Variants in OTUB2 observed in about 807,000 individuals in gnomAD.
OTUB2 encodes the protein ubiquitin thioesterase OTUB2.
Under a neutral mutation model 25.1 loss-of-function variants are expected in OTUB2, and 21 were observed. The ratio of observed to expected loss-of-function variants is 0.84; its 90% CI spans 0.59 to 1.21. OTUB2 has a LOEUF of 1.21. Among genes scored for constraint, OTUB2 ranks in the 50% most tolerant of loss-of-function variants. The pLI, the probability that OTUB2 is intolerant of heterozygous loss-of-function variation, is 0.00. For missense variants in OTUB2, 283 were observed against 298.0 expected, an observed-to-expected ratio of 0.95 and a Z score of 0.37; for synonymous variants, 122 against 122.8, an observed-to-expected ratio of 0.99 and a Z score of 0.04.
chr14:94,041,263 G>C (rs1885156409), intron 3 of OTUB2, among the ~76,000 whole-genome samples: 2 of 152,126 alleles, frequency 1.3e-5, no homozygotes, highest in Admixed American at 6.5e-5. Context: ...CTGCAAAGGA[G>C]GGCTGAGGAA....
intron 5 of OTUB2, 150 bp from the exon 6 acceptor site, chr14:94,045,566 A>T: frequency 1.4e-6 from 1 of 705,648 alleles, no homozygotes; most frequent in Non-Finnish European, 2.4e-6. Context: ...GTGTGGCATG[A>T]GAACGTCCAT....
chr14:94,035,096 T>A (rs965347570), intron 1 of OTUB2, among the ~76,000 whole-genome samples: 2 of 152,104 alleles, frequency 1.3e-5, no homozygotes, highest in Admixed American at 1.3e-4. Flanking sequence ...GCCCACGCTA[T>A]GATGTCAGGG....
intron 3 of OTUB2, among the ~76,000 whole-genome samples, chr14:94,043,384 G>T (rs1365849054): frequency 6.6e-6 from 1 of 152,192 alleles, no homozygotes; most frequent in African/African-American, 2.4e-5. Flanking sequence ...AAACTTGGGA[G>T]TGTCCTGGAG....
intron 3 of OTUB2, among the ~76,000 whole-genome samples, chr14:94,041,607 G>A (rs924175027): frequency 1.3e-5 from 2 of 152,044 alleles, no homozygotes; most frequent in Middle Eastern, 3.4e-3. Context: ...CTTGAAATAT[G>A]CCCCTGACCT....
At chr14:94,038,928 G>C in intron 2 of OTUB2, 35 bp from the exon 3 acceptor site, 2 of 1,593,616 alleles carry the variant, frequency 1.3e-6, no homozygotes, top group East Asian at 4.5e-5. Context: ...GCCGTTGTTG[G>C]TGCAAATGCC....
chr14:94,038,698 G>A (rs765268219), intron 2 of OTUB2, among the ~76,000 whole-genome samples: 2 of 152,188 alleles, frequency 1.3e-5, no homozygotes, highest in Non-Finnish European at 2.9e-5. Context: ...AGGCACTCCT[G>A]TCCCCTCACA....
intron 2 of OTUB2, 80 bp from the exon 3 acceptor site, chr14:94,038,883 G>A: frequency 1.6e-6 from 2 of 1,224,376 alleles, no homozygotes; most frequent in Non-Finnish European, 1.2e-6. Flanking sequence ...GAGATGGGGG[G>A]CACCTGGCCA....
At chr14:94,032,135 G>A (rs1412180619) in intron 1 of OTUB2, among the ~76,000 whole-genome samples, 1 of 152,144 alleles carries the variant, frequency 6.6e-6, no homozygotes, top group African/African-American at 2.4e-5. Flanking sequence ...TCATTCTGGA[G>A]GTGCCAGGTG....
chr14:94,030,283 G>A (rs900340634), intron 1 of OTUB2, among the ~76,000 whole-genome samples: 18 of 151,864 alleles, frequency 1.2e-4, no homozygotes, highest in African/African-American at 4.1e-4. Context: ...AGAGAGGAGT[G>A]GAGAAGCACT....
chr14:94,032,261 A>G (rs1056417650), intron 1 of OTUB2, among the ~76,000 whole-genome samples: 1 of 152,222 alleles, frequency 6.6e-6, no homozygotes, highest in Admixed American at 6.5e-5. Context: ...AGATGGAGGT[A>G]GCCCACCTGC....
Position 94,045,910 on chromosome 14 carries a change from C to G in OTUB2, c.693C>G (p.Ala231=). The G allele has an allele frequency of 6.2e-7, 1 of 1,614,084 alleles. No homozygotes were observed. The highest frequency in any genetic ancestry group is 8.5e-7 in the Non-Finnish European group (1 of 1,179,958). ...CCCACTACAACATCCTTTATGCAGCCGATAAACATTGATTAATTTTAGGCC... is the reference window on the plus strand; with the variant it reads ...CCCACTACAACATCCTTTATGCAGCGGATAAACATTGATTAATTTTAGGCC... ...KTSHYNILYA[A]DKH Residue 231 remains alanine (A), a synonymous_variant, in exon 6 of 6, where the codon GCC becomes GCG. Transcript: ENST00000203664.
chr14:94,046,228 G>A lies in OTUB2; in HGVS notation c.*306G>A. On this transcript the variant is annotated 3_prime_UTR_variant, in exon 6 of 6. Coordinates refer to ENST00000203664, the MANE Select transcript of OTUB2 (RefSeq NM_023112.4). ...GGACTTGTTTCTTCAACTGGAGGAG[G>A]TCCCTGCCTATGCTGACATTCCATT... is the stretch of plus-strand genomic sequence containing the variant. The A allele has an allele frequency of 2.1e-6, 1 of 483,616 alleles. No homozygotes were observed. The highest frequency in any genetic ancestry group is 3.7e-6 in the Non-Finnish European group (1 of 266,914). 30.0% of individuals were successfully genotyped at this position (483,616 alleles called of 1,614,324 possible).
At chr14:94,038,880 G>A (rs1314018544) in intron 2 of OTUB2, 83 bp from the exon 3 acceptor site, 12 of 1,191,172 alleles carry the variant, frequency 1.0e-5, no homozygotes, top group African/African-American at 3.0e-5. Context: ...GGAGAGATGG[G>A]GGGCACCTGG....
At position 94,044,574 on chromosome 14, in the gene OTUB2, G is replaced by A. The variant is rs967523169; in HGVS notation, c.304-12G>A. 7.5e-6 allele frequency: 12 copies of A among 1,598,890 alleles called. No homozygotes were observed. Among genetic ancestry groups the A allele is most frequent in the Admixed American group, 6.7e-5 (4 of 59,474 alleles). On this transcript the variant is annotated splice_polypyrimidine_tract_variant and intron_variant, in intron 4 of 5. Transcript: ENST00000203664. ...TGCTTGGCCTCCCTAGCTGAGGGCC[G>A]GGCGGGCGCAGTTTTACAGTGTGGT...
chr14:94,044,146 T>C, intron 4 of OTUB2, 91 bp downstream of exon 4: 1 of 1,304,882 alleles, frequency 7.7e-7, no homozygotes, highest in Non-Finnish European at 1.1e-6. Flanking sequence ...GCTCTGCTCC[T>C]CCTGGCTGGG....
At chr14:94,037,910 C>T (rs886562919) in intron 2 of OTUB2, among the ~76,000 whole-genome samples, 6 of 152,212 alleles carry the variant, frequency 3.9e-5, no homozygotes, top group South Asian at 2.1e-4. Context: ...GGAAAGTTTA[C>T]GCCAGTGAGG....
At chr14:94,032,369 G>T (rs546423063) in intron 1 of OTUB2, among the ~76,000 whole-genome samples, 12 of 152,138 alleles carry the variant, frequency 7.9e-5, no homozygotes, top group Non-Finnish European at 1.8e-4. Flanking sequence ...AACTTAAAAT[G>T]CATGCATACT....
intron 3 of OTUB2, among the ~76,000 whole-genome samples, chr14:94,039,717 C>T (rs1304583928): frequency 6.6e-6 from 1 of 152,184 alleles, no homozygotes. Flanking sequence ...TCACTGGCTC[C>T]CAGGAGATGC....
intron 1 of OTUB2, among the ~76,000 whole-genome samples, chr14:94,036,048 G>A (rs1885049479): frequency 6.6e-6 from 1 of 152,194 alleles, no homozygotes; most frequent in Non-Finnish European, 1.5e-5. Context: ...CCAGCTTTCT[G>A]CTTCTGTGGG....
Sources: allele counts gnomAD v4.1 joint callset (sites outside exome capture counted in the v4.1 genomes callset), GRCh38; gene constraint gnomAD v4.1.1; transcripts MANE v1.5; gene names NCBI Gene and HGNC (gene_info 2026-07-23, HGNC 2026-07-21).